Variants in DCC observed in about 807,000 individuals in gnomAD.
The protein encoded by DCC is netrin receptor DCC.
In DCC, 58 loss-of-function variants were observed where a neutral mutation model predicts 172.5. The observed-to-expected ratio is 0.34, with a 90% CI of 0.27 to 0.42. The LOEUF is 0.42. Among genes scored for constraint, DCC ranks in the 10% least tolerant of loss-of-function variants. The pLI is 1.00. For synonymous variants in DCC, 709 were observed against 644.5 expected, an observed-to-expected ratio of 1.10 and a Z score of -1.52; for missense variants, 1,740 against 1,791.0, an observed-to-expected ratio of 0.97 and a Z score of 0.51.
rs570536863 is a variant in DCC, at chr18:53,508,039, C to T, written c.4111+8529C>T. 2.6e-5 allele frequency among the ~76,000 whole-genome samples: 4 copies of T among 151,212 alleles called. No individual in the cohort carries two copies. In the South Asian group the frequency reaches 8.4e-4, roughly 32 times the overall value. On this transcript the variant is annotated intron_variant, in intron 27 of 28. Coordinates refer to ENST00000442544, the MANE Select transcript of DCC (RefSeq NM_005215.4). ...CTCCCGAGAGCTGGGACTACAGGTG[C>T]CTGCCACCATGCCCAGCTAATTTTT...
chr18:52,711,425 T>C (rs1023094026), intron 1 of DCC, among the ~76,000 whole-genome samples: 52 of 152,162 alleles, frequency 3.4e-4, no homozygotes, highest in Non-Finnish European at 1.2e-4. Flanking sequence ...TGCTATATGC[T>C]CAATGCTGAG....
chr18:53,078,951 C>T (rs2042761119), intron 7 of DCC, among the ~76,000 whole-genome samples: 1 of 152,044 alleles, frequency 6.6e-6, no homozygotes, highest in African/African-American at 2.4e-5. Flanking sequence ...AGGTCCAGTT[C>T]CTATTTAAGT....
intron 12 of DCC, among the ~76,000 whole-genome samples, chr18:53,268,848 G>A (rs566067722): frequency 6.6e-6 from 1 of 152,302 alleles, no homozygotes; most frequent in Admixed American, 6.5e-5. Flanking sequence ...CCTGCAGTGA[G>A]GAACTGTAGG....
chr18:53,008,340 G>A (rs2041675881), intron 5 of DCC, among the ~76,000 whole-genome samples: 1 of 151,880 alleles, frequency 6.6e-6, no homozygotes, highest in Non-Finnish European at 1.5e-5. Flanking sequence ...TGGTATCTCA[G>A]TAATTTCCAT....
chr18:53,481,711 G>T (rs1021847032), intron 25 of DCC, among the ~76,000 whole-genome samples: 1 of 152,060 alleles, frequency 6.6e-6, no homozygotes, highest in Non-Finnish European at 1.5e-5. Flanking sequence ...TCTAGGGAGG[G>T]TTTTATTATT....
At chr18:53,378,648 A>G (rs1046656446) in intron 15 of DCC, among the ~76,000 whole-genome samples, 2 of 152,194 alleles carry the variant, frequency 1.3e-5, no homozygotes, top group Non-Finnish European at 2.9e-5. Context: ...TTCAACAAAT[A>G]TTTGTTAAGC....
intron 18 of DCC, among the ~76,000 whole-genome samples, chr18:53,402,317 G>A (rs1233525746): frequency 6.6e-6 from 1 of 151,818 alleles, no homozygotes; most frequent in Admixed American, 6.6e-5. Context: ...TTGAGCCCAG[G>A]AGGTTGAGTC....
chr18:53,119,186 T>TA (rs974682316), intron 7 of DCC, among the ~76,000 whole-genome samples: 29 of 151,908 alleles, frequency 1.9e-4, no homozygotes, highest in African/African-American at 6.7e-4. Flanking sequence ...CTACAGTGGG[T>TA]CAAGATCTGC....
chr18:53,220,056 A>G (rs1417128726), intron 12 of DCC, among the ~76,000 whole-genome samples: 5 of 152,102 alleles, frequency 3.3e-5, no homozygotes, highest in Admixed American at 6.6e-5. Context: ...CCAAGTCCAT[A>G]GCCAAGTGGG....
intron 2 of DCC, among the ~76,000 whole-genome samples, chr18:52,851,385 CCAAA>C (rs1338550668): frequency 1.3e-5 from 2 of 151,890 alleles, no homozygotes. Flanking sequence ...AATAGAATTC[CCAAA>C]CAGCCTACTT....
chr18:53,063,547 G>A (rs1449602013), intron 6 of DCC, 88 bp downstream of exon 6: 28 of 898,812 alleles, frequency 3.1e-5, no homozygotes, highest in Non-Finnish European at 4.3e-5. Context: ...AAAAAAAAAA[G>A]GTTCCTGTTG....
intron 27 of DCC, among the ~76,000 whole-genome samples, chr18:53,503,349 C>CTCTAGGGTATTTATGGTGTT (rs1491041354): frequency 3.3e-5 from 5 of 152,222 alleles, no homozygotes; most frequent in African/African-American, 1.2e-4. Flanking sequence ...ACTTACAAGA[C>CTCTAGGGTATTTATGGTGTT]TCTAGGGTAT....
intron 1 of DCC, among the ~76,000 whole-genome samples, chr18:52,524,445 C>A (rs942962871): frequency 4.6e-5 from 7 of 152,190 alleles, no homozygotes; most frequent in African/African-American, 1.4e-4. Context: ...GCTTATTACA[C>A]TGAAATGGGA....
intron 5 of DCC, among the ~76,000 whole-genome samples, chr18:52,958,450 T>G (rs529700083): frequency 6.6e-6 from 1 of 152,212 alleles, no homozygotes; most frequent in South Asian, 2.1e-4. Context: ...TAAAGCAGAA[T>G]AAAAAATAGC....
intron 7 of DCC, among the ~76,000 whole-genome samples, chr18:53,123,096 T>C (rs772942067): frequency 6.6e-6 from 1 of 152,066 alleles, no homozygotes; most frequent in Non-Finnish European, 1.5e-5. Flanking sequence ...GGGAGACAGA[T>C]GTTCATCAAC....
At chr18:52,692,921 C>T (rs80187453) in intron 1 of DCC, among the ~76,000 whole-genome samples, 6,960 of 152,098 alleles carry the variant, frequency 0.046, 238 homozygotes, top group South Asian at 0.16. Flanking sequence ...AGAAAAAGTA[C>T]AGTCATTAGA....
intron 12 of DCC, among the ~76,000 whole-genome samples, chr18:53,304,359 A>G (rs917722231): frequency 1.3e-5 from 2 of 151,676 alleles, no homozygotes; most frequent in African/African-American, 4.9e-5. Context: ...CAGGGATATG[A>G]CTGCTTTTTT....
At chr18:53,452,213 G>A (rs2045423257) in intron 23 of DCC, among the ~76,000 whole-genome samples, 1 of 152,238 alleles carries the variant, frequency 6.6e-6, no homozygotes, top group African/African-American at 2.4e-5. Flanking sequence ...CATCAAGGCA[G>A]CAGGTCTCTG....
chr18:52,437,716 G>GT (rs1987841813), intron 1 of DCC, among the ~76,000 whole-genome samples: 1 of 152,150 alleles, frequency 6.6e-6, no homozygotes, highest in African/African-American at 2.4e-5. Context: ...GATTTACATG[G>GT]TTTTTTATGC....
Sources: gnomAD v4.1 joint callset for allele counts (sites outside exome capture counted in the v4.1 genomes callset) on GRCh38, gnomAD v4.1.1 for gene constraint, MANE v1.5 for transcripts, NCBI Gene and HGNC (gene_info 2026-07-23, HGNC 2026-07-21) for gene names.